The following UGGT2 variants were observed in gnomAD, a reference collection of about 807,000 sequenced individuals.
UGGT2 encodes the protein UDP-glucose glycoprotein glucosyltransferase 2, also known as UDP-glucose:glycoprotein glucosyltransferase 2.
A neutral mutation model predicts 192.1 loss-of-function variants in UGGT2; 180 were observed. The ratio of observed to expected loss-of-function variants is 0.94; its 90% CI spans 0.83 to 1.06. The LOEUF (loss-of-function observed/expected upper bound fraction) is 1.06, where lower values mean the gene tolerates loss of function less well. Ranked by LOEUF, UGGT2 falls within the 50% of genes least tolerant of loss-of-function variation. The probability of loss-of-function intolerance (pLI) is 0.00; values close to 1 mark genes in which losing one functional copy is unlikely to be tolerated. For synonymous variants in UGGT2, 580 were observed against 591.0 expected (o/e 0.98, Z 0.27); for missense variants, 1,849 against 1,795.7 (o/e 1.03, Z -0.54).
chr13:95,812,085 AT>A (rs201338222), intron 38 of UGGT2, among the ~76,000 whole-genome samples: 1 of 152,200 alleles, frequency 6.6e-6, no homozygotes, highest in African/African-American at 2.4e-5. Context: ...GATAATAAAT[AT>A]TTTTAGTTGT....
intron 1 of UGGT2, among the ~76,000 whole-genome samples, chr13:96,047,708 T>TGG (rs1359230650): frequency 6.6e-6 from 1 of 151,866 alleles, no homozygotes; most frequent in Non-Finnish European, 1.5e-5. Flanking sequence ...AAAACAGACT[T>TGG]TAAACCAACA....
chr13:95,854,263 C>T (rs2140039350), intron 35 of UGGT2, 52 bp downstream of exon 35: 2 of 1,521,414 alleles, frequency 1.3e-6, no homozygotes, highest in Admixed American at 2.2e-5. Flanking sequence ...CTGAAAGTTG[C>T]AATTCAATAC....
rs189068592 is a variant in UGGT2, at chr13:95,886,399, A to G, written c.3038+1493T>C. Among the ~76,000 whole-genome samples, 139 of 152,308 alleles carry G rather than the reference A, an allele frequency of 9.1e-4. 1 individual carries two copies. The highest frequency in any genetic ancestry group is 1.4e-3 in the Admixed American group (22 of 15,302). ...TACATTATTTCATTTAGAAAAGTCA[A>G]TTCTTTCCCTCCCAGTAGATTATGC... On this transcript the variant is annotated intron_variant, in intron 26 of 38. Transcript: ENST00000376747.
At chr13:95,962,333 G>A (rs1815205735) in intron 12 of UGGT2, among the ~76,000 whole-genome samples, 2 of 151,924 alleles carry the variant, frequency 1.3e-5, no homozygotes, top group Non-Finnish European at 2.9e-5. Context: ...AACCATGACA[G>A]AGAAGACCTC....
intron 2 of UGGT2, among the ~76,000 whole-genome samples, chr13:96,026,978 A>T (rs548171939): frequency 6.6e-6 from 1 of 152,276 alleles, no homozygotes; most frequent in South Asian, 2.1e-4. Flanking sequence ...GCCCACTCTT[A>T]ATTCTTTAAC....
At chr13:95,905,891 T>C (rs2048275466) in intron 20 of UGGT2, among the ~76,000 whole-genome samples, 1 of 152,158 alleles carries the variant, frequency 6.6e-6, no homozygotes, top group Non-Finnish European at 1.5e-5. Flanking sequence ...TTTTTGTGTA[T>C]GACGTGAAAA....
chr13:95,884,638 AG>A lies in UGGT2; in HGVS notation c.3080del (p.Ala1027ValfsTer22), dbSNP rs1164258184. 1 of 1,613,790 alleles carries A rather than the reference AG, an allele frequency of 6.2e-7. No homozygotes were observed. Among genetic ancestry groups the A allele is most frequent in the African/African-American group, 1.3e-5 (1 of 74,934 alleles). On this transcript the variant is annotated frameshift_variant, in exon 27 of 39. Coordinates refer to ENST00000376747, the MANE Select transcript of UGGT2 (RefSeq NM_020121.4). LOFTEE classifies it high-confidence loss of function. ...FVLEPELMSG[A>X]NDVSSLGPVA... ...CTGGTCCAAGAGAAGAAACGTCATT[AG>A]CCCCTGACATCAGTTCTGGTTCCAG... is the stretch of plus-strand genomic sequence containing the variant.
chr13:95,903,671 T>C (rs1029825910), intron 20 of UGGT2, among the ~76,000 whole-genome samples: 1 of 152,220 alleles, frequency 6.6e-6, no homozygotes, highest in African/African-American at 2.4e-5. Context: ...TTTAGTACTG[T>C]ACAGAATTCC....
At chr13:96,001,794 A>C (rs927490962) in intron 5 of UGGT2, among the ~76,000 whole-genome samples, 4 of 152,206 alleles carry the variant, frequency 2.6e-5, no homozygotes, top group Non-Finnish European at 5.9e-5. Context: ...CACCTGAAAC[A>C]GCAAGTCCAG....
At chr13:95,823,100 C>T (rs961901358) in intron 38 of UGGT2, among the ~76,000 whole-genome samples, 1 of 152,030 alleles carries the variant, frequency 6.6e-6, no homozygotes, top group Admixed American at 6.6e-5. Context: ...ATAGTGTTTA[C>T]AGTTCCTTTG....
At chr13:95,830,362 A>T (rs1472717712) in intron 38 of UGGT2, among the ~76,000 whole-genome samples, 1 of 152,176 alleles carries the variant, frequency 6.6e-6, no homozygotes, top group Non-Finnish European at 1.5e-5. Flanking sequence ...AATGGGAGAA[A>T]ATTTTTGCAA....
At chr13:95,924,832 T>C (rs551877108) in intron 20 of UGGT2, among the ~76,000 whole-genome samples, 3 of 152,292 alleles carry the variant, frequency 2.0e-5, no homozygotes, top group African/African-American at 4.8e-5. Context: ...TGCAGTGGCA[T>C]GTAAGTGAGT....
intron 24 of UGGT2, among the ~76,000 whole-genome samples, chr13:95,894,097 G>T (rs1171579277): frequency 6.6e-6 from 1 of 152,092 alleles, no homozygotes; most frequent in African/African-American, 2.4e-5. Context: ...GGCAGCAGCC[G>T]GGCCTACAAC....
intron 5 of UGGT2, among the ~76,000 whole-genome samples, chr13:96,002,343 C>G (rs1307786359): frequency 6.6e-6 from 1 of 152,140 alleles, no homozygotes; most frequent in African/African-American, 2.4e-5. Context: ...CACTCTAGAC[C>G]CATGACTCTC....
intron 29 of UGGT2, among the ~76,000 whole-genome samples, chr13:95,876,286 A>G (rs1891670922): frequency 6.6e-6 from 1 of 152,238 alleles, no homozygotes; most frequent in African/African-American, 2.4e-5. Flanking sequence ...TTGTCATTAA[A>G]TGATCAAAAT....
At chr13:96,001,942 T>C (rs1202027515) in intron 5 of UGGT2, among the ~76,000 whole-genome samples, 1 of 152,200 alleles carries the variant, frequency 6.6e-6, no homozygotes, top group Non-Finnish European at 1.5e-5. Flanking sequence ...CTTATCTAGC[T>C]TACTCTACTG....
At chr13:96,045,609 C>T (rs1375324772) in intron 1 of UGGT2, among the ~76,000 whole-genome samples, 6 of 152,150 alleles carry the variant, frequency 3.9e-5, no homozygotes, top group African/African-American at 1.2e-4. Context: ...CCAAAAAGCT[C>T]CAAGAACTGA....
intron 17 of UGGT2, among the ~76,000 whole-genome samples, chr13:95,933,735 G>A (rs1221952450): frequency 6.6e-6 from 1 of 152,112 alleles, no homozygotes; most frequent in East Asian, 1.9e-4. Context: ...AGGCTGGAGT[G>A]CAGTGGCTGT....
At chr13:95,973,017 A>G (rs1487999761) in intron 10 of UGGT2, among the ~76,000 whole-genome samples, 3 of 152,152 alleles carry the variant, frequency 2.0e-5, no homozygotes, top group Non-Finnish European at 4.4e-5. Flanking sequence ...CTAAACACAA[A>G]AAATTAGCTG....
Sources: gnomAD v4.1 joint callset for allele counts (sites outside exome capture counted in the v4.1 genomes callset) on GRCh38, gnomAD v4.1.1 for gene constraint, MANE v1.5 for transcripts, NCBI Gene and HGNC (gene_info 2026-07-23, HGNC 2026-07-21) for gene names.